B3GALT1: variants seen among roughly 807,000 people sequenced by gnomAD.
The protein encoded by B3GALT1 is UDP-Gal:betaGlcNAc beta 1,3-galactosyltransferase, polypeptide 1.
In B3GALT1, 10 loss-of-function variants were observed where a neutral mutation model predicts 23.2. That is an observed-to-expected ratio of 0.43 (90% CI 0.27 to 0.73). The LOEUF (loss-of-function observed/expected upper bound fraction) is 0.73. B3GALT1 is among the 30% of genes least tolerant of loss of function. The pLI, the probability that B3GALT1 is intolerant of heterozygous loss-of-function variation, is 0.21. For missense variants in B3GALT1, 299 were observed against 405.4 expected (o/e 0.74, Z 2.25); for synonymous variants, 156 against 141.5 (o/e 1.10, Z -0.73).
intron 1 of B3GALT1, among the ~76,000 whole-genome samples, chr2:167,452,368 T>C (rs1699104665): frequency 6.6e-6 from 1 of 152,182 alleles, no homozygotes; most frequent in Non-Finnish European, 1.5e-5. Context: ...CCCACAAGTC[T>C]CTTCCTGCTG....
intron 1 of B3GALT1, among the ~76,000 whole-genome samples, chr2:167,453,987 A>C (rs898541621): frequency 2.6e-5 from 4 of 152,176 alleles, no homozygotes; most frequent in Admixed American, 6.5e-5. Context: ...AGACTCTTGC[A>C]TGGTTACAGT....
At chr2:167,677,238 G>T (rs770394338) in intron 3 of B3GALT1, among the ~76,000 whole-genome samples, 5 of 152,068 alleles carry the variant, frequency 3.3e-5, no homozygotes, top group African/African-American at 4.8e-5. Context: ...AGGGGAGATG[G>T]GTAACTGAAA....
At chr2:167,525,774 A>ATTTTTTT (rs58757694) in intron 2 of B3GALT1, among the ~76,000 whole-genome samples, 1 of 145,196 alleles carries the variant, frequency 6.9e-6, no homozygotes, top group African/African-American at 2.5e-5. Flanking sequence ...CACCTGGCTA[A>ATTTTTTT]TTTTTTTTTT....
At chr2:167,469,858 G>A (rs1699399851) in intron 1 of B3GALT1, among the ~76,000 whole-genome samples, 1 of 152,068 alleles carries the variant, frequency 6.6e-6, no homozygotes, top group Non-Finnish European at 1.5e-5. Flanking sequence ...GCATTAAAAA[G>A]TGACTAGCCT....
rs35189136 is a variant in B3GALT1, at chr2:167,320,190, CT to C, written c.-511+26870del. Among the ~76,000 whole-genome samples the C allele has an allele frequency of 3.3e-3, 465 of 142,140 alleles. 2 individuals are homozygous for C. The highest frequency in any genetic ancestry group is 0.022 in the Middle Eastern group (6 of 274). 93.2% of individuals were successfully genotyped at this position (142,140 alleles called of 152,430 possible). ...ACATCCTGAGCTCCTGAGCTATCTCCTTTTTTTTTTTTTTCCTGAGATGGAA... is the reference window on the plus strand; with the variant it reads ...ACATCCTGAGCTCCTGAGCTATCTCCTTTTTTTTTTTTTCCTGAGATGGAA... On this transcript the variant is annotated intron_variant, in intron 1 of 4. Transcript: ENST00000392690.
chr2:167,411,155 CA>C (rs1302437109), intron 1 of B3GALT1, among the ~76,000 whole-genome samples: 1 of 150,720 alleles, frequency 6.6e-6, no homozygotes, highest in Non-Finnish European at 1.5e-5. Context: ...GAGAAGACCT[CA>C]AAAAAATTAC....
At chr2:167,453,385 A>G (rs1699118419) in intron 1 of B3GALT1, among the ~76,000 whole-genome samples, 1 of 152,212 alleles carries the variant, frequency 6.6e-6, no homozygotes, top group Non-Finnish European at 1.5e-5. Flanking sequence ...CAAAGATTAT[A>G]ATTCTCTTTA....
intron 3 of B3GALT1, among the ~76,000 whole-genome samples, chr2:167,726,084 A>T (rs916690782): frequency 2.6e-5 from 4 of 152,160 alleles, no homozygotes; most frequent in African/African-American, 9.6e-5. Context: ...GATAAGTCTG[A>T]GTTGTCTCCT....
chr2:167,680,752 T>C (rs1405030885), intron 3 of B3GALT1, among the ~76,000 whole-genome samples: 1 of 151,928 alleles, frequency 6.6e-6, no homozygotes, highest in African/African-American at 2.4e-5. Flanking sequence ...ATTCCTCATA[T>C]TCTCTCCGAT....
At chr2:167,555,361 C>T (rs1194410749) in intron 2 of B3GALT1, among the ~76,000 whole-genome samples, 1 of 152,146 alleles carries the variant, frequency 6.6e-6, no homozygotes, top group Non-Finnish European at 1.5e-5. Context: ...TCAGGTCACA[C>T]GACTCCTCAT....
At chr2:167,710,075 T>G (rs1459481469) in intron 3 of B3GALT1, among the ~76,000 whole-genome samples, 1 of 152,166 alleles carries the variant, frequency 6.6e-6, no homozygotes, top group Non-Finnish European at 1.5e-5. Context: ...AGGAAAGCAT[T>G]CTAACTGTGG....
intron 2 of B3GALT1, among the ~76,000 whole-genome samples, chr2:167,607,687 A>G (rs1684991054): frequency 6.6e-6 from 1 of 152,144 alleles, no homozygotes; most frequent in Non-Finnish European, 1.5e-5. Context: ...CAAGCATAAG[A>G]CCTTTTTTAA....
At chr2:167,311,902 G>A (rs1388432966) in intron 1 of B3GALT1, among the ~76,000 whole-genome samples, 1 of 151,974 alleles carries the variant, frequency 6.6e-6, no homozygotes, top group Non-Finnish European at 1.5e-5. Flanking sequence ...AAACAGGAAA[G>A]AGGCAGAAGC....
intron 3 of B3GALT1, among the ~76,000 whole-genome samples, chr2:167,700,934 T>C (rs1686872563): frequency 6.6e-6 from 1 of 152,286 alleles, no homozygotes. Flanking sequence ...ATTCAACAGA[T>C]TGTACTTTCT....
Position 167,583,096 on chromosome 2 carries a change from C to T in B3GALT1, c.-409-63813C>T, listed in dbSNP as rs115242912. Among the ~76,000 whole-genome samples the T allele has an allele frequency of 1.2e-3, 189 of 152,346 alleles. 1 individual carries two copies. Among genetic ancestry groups the T allele is most frequent in the Middle Eastern group, 3.4e-3 (1 of 294 alleles). On this transcript the variant is annotated intron_variant, in intron 2 of 4. Transcript: ENST00000392690. ...ATGAGGGAGAGGGACAAGAACTCCTCTGCTCTCAGTGTTACTTTAAACTTT... is the reference window on the plus strand; with the variant it reads ...ATGAGGGAGAGGGACAAGAACTCCTTTGCTCTCAGTGTTACTTTAAACTTT...
At chr2:167,695,434 A>G (rs978390492) in intron 3 of B3GALT1, among the ~76,000 whole-genome samples, 2 of 152,172 alleles carry the variant, frequency 1.3e-5, no homozygotes, top group African/African-American at 2.4e-5. Flanking sequence ...AAGTTAATGA[A>G]TTAATAAATT....
At chr2:167,682,596 C>A (rs566587574) in intron 3 of B3GALT1, among the ~76,000 whole-genome samples, 65 of 152,326 alleles carry the variant, frequency 4.3e-4, no homozygotes, top group African/African-American at 1.5e-3. Flanking sequence ...AATGCAAATT[C>A]TCAAAGCCAA....
chr2:167,318,625 T>A (rs1051121706), intron 1 of B3GALT1, among the ~76,000 whole-genome samples: 2 of 152,152 alleles, frequency 1.3e-5, no homozygotes, highest in Non-Finnish European at 2.9e-5. Context: ...ATTTCATAAT[T>A]ATTTAAGCTT....
chr2:167,861,575 A>T (rs1349853697), intron 4 of B3GALT1, among the ~76,000 whole-genome samples: 4 of 152,192 alleles, frequency 2.6e-5, no homozygotes, highest in African/African-American at 9.7e-5. Flanking sequence ...AAACTTAGTA[A>T]AAGATTCAAA....
Sources: allele counts gnomAD v4.1 joint callset (sites outside exome capture counted in the v4.1 genomes callset), GRCh38; gene constraint gnomAD v4.1.1; transcripts MANE v1.5; gene names NCBI Gene and HGNC (gene_info 2026-07-23, HGNC 2026-07-21).